Variants in DDAH1 observed in about 807,000 individuals in gnomAD.
The protein encoded by DDAH1 is N(G),N(G)-dimethylarginine dimethylaminohydrolase 1.
In DDAH1, 19 loss-of-function variants were observed where a neutral mutation model predicts 28.8. That is an observed-to-expected ratio of 0.66 (90% CI 0.46 to 0.97). The LOEUF is 0.97. Among genes scored for constraint, DDAH1 ranks in the 50% least tolerant of loss-of-function variants. DDAH1 has a pLI of 0.00. For missense variants in DDAH1, 326 were observed against 375.9 expected, an observed-to-expected ratio of 0.87 and a Z score of 1.10; for synonymous variants, 153 against 154.4, an observed-to-expected ratio of 0.99 and a Z score of 0.07.
At chr1:85,472,347 C>T (rs543141940) in intron 2 of DDAH1, among the ~76,000 whole-genome samples, 1 of 152,288 alleles carries the variant, frequency 6.6e-6, no homozygotes, top group Non-Finnish European at 1.5e-5. Flanking sequence ...ACATGGCTGT[C>T]CATACTTTGT....
chr1:85,427,532 G>A (rs551589308), intron 1 of DDAH1, among the ~76,000 whole-genome samples: 84 of 152,236 alleles, frequency 5.5e-4, no homozygotes, highest in African/African-American at 1.5e-3. Flanking sequence ...TCTAGAAATA[G>A]CAAGTACAAA....
Position 85,325,371 on chromosome 1 carries a change from A to G in DDAH1, c.598-488T>C, listed in dbSNP as rs143487584. Among the ~76,000 whole-genome samples, 832 of 152,216 alleles carry G rather than the reference A, an allele frequency of 5.5e-3. 3 individuals are homozygous for G. The highest frequency in any genetic ancestry group is 0.019 in the African/African-American group (769 of 41,550). On this transcript the variant is annotated intron_variant, in intron 4 of 5. Coordinates refer to ENST00000284031, the MANE Select transcript of DDAH1 (RefSeq NM_012137.4). ...CACGTGCGTGCGCGCGCGCGCGCAC[A>G]CACACACGCTTTGCTCTTCCACATA...
At chr1:85,574,652 T>C (rs190537237) in intron 1 of DDAH1, among the ~76,000 whole-genome samples, 8 of 152,338 alleles carry the variant, frequency 5.3e-5, no homozygotes, top group African/African-American at 1.7e-4. Flanking sequence ...ATTAAAATCC[T>C]CTTTCTCATG....
chr1:85,401,490 C>G (rs376368575), intron 1 of DDAH1, among the ~76,000 whole-genome samples: 7 of 134,834 alleles, frequency 5.2e-5, no homozygotes, highest in Non-Finnish European at 1.1e-4. Flanking sequence ...TTTCTTTTTT[C>G]TTTTTTCTTT....
chr1:85,540,249 C>T (rs374869497), intron 1 of DDAH1, among the ~76,000 whole-genome samples: 1 of 152,152 alleles, frequency 6.6e-6, no homozygotes, highest in South Asian at 2.1e-4. Context: ...GGGGTTACAC[C>T]TTTTAGTCTT....
At chr1:85,381,773 T>C (rs571765249) in intron 1 of DDAH1, among the ~76,000 whole-genome samples, 6 of 152,334 alleles carry the variant, frequency 3.9e-5, no homozygotes, top group East Asian at 1.9e-4. Context: ...AGCAAGTCTA[T>C]TGATGCCATT....
chr1:85,484,457 C>G (rs933293253), intron 2 of DDAH1, among the ~76,000 whole-genome samples: 58 of 152,000 alleles, frequency 3.8e-4, no homozygotes, highest in African/African-American at 1.3e-3. Context: ...TCAGCCTTGA[C>G]AGTTTTCCTG....
chr1:85,477,188 T>G (rs1055017044), intron 2 of DDAH1, among the ~76,000 whole-genome samples: 2 of 152,066 alleles, frequency 1.3e-5, no homozygotes, highest in African/African-American at 4.8e-5. Flanking sequence ...TGGGAGGGAA[T>G]TTAGCATGTT....
At chr1:85,430,395 T>A (rs1653617933) in intron 1 of DDAH1, among the ~76,000 whole-genome samples, 1 of 152,218 alleles carries the variant, frequency 6.6e-6, no homozygotes, top group South Asian at 2.1e-4. Context: ...CTGTTTTGGT[T>A]CCATATGAAA....
intron 1 of DDAH1, among the ~76,000 whole-genome samples, chr1:85,422,793 A>G (rs1174307666): frequency 1.3e-5 from 2 of 152,136 alleles, no homozygotes; most frequent in African/African-American, 4.8e-5. Context: ...TGGGGCCCTC[A>G]TGACGAGATT....
chr1:85,335,610 G>A (rs113174047), intron 4 of DDAH1, among the ~76,000 whole-genome samples: 2 of 151,924 alleles, frequency 1.3e-5, no homozygotes, highest in Non-Finnish European at 2.9e-5. Context: ...TTAAGCAAGA[G>A]AATATAACAG....
intron 1 of DDAH1, among the ~76,000 whole-genome samples, chr1:85,393,777 TTCTACATTGTCTCACCTAAGAG>T: frequency 6.6e-6 from 1 of 152,322 alleles, no homozygotes; most frequent in East Asian, 1.9e-4. Context: ...GATGTAAATT[TTCTACATTGTCTCACCTAAGAG>T]TCATGTCTTT....
intron 1 of DDAH1, among the ~76,000 whole-genome samples, chr1:85,383,671 T>A (rs1651109643): frequency 1.3e-5 from 2 of 152,132 alleles, no homozygotes; most frequent in African/African-American, 4.8e-5. Context: ...ACAGCAAACT[T>A]CACTGTTGTC....
intron 4 of DDAH1, among the ~76,000 whole-genome samples, chr1:85,328,892 T>A (rs1287516609): frequency 6.6e-6 from 1 of 152,232 alleles, no homozygotes; most frequent in Admixed American, 6.5e-5. Context: ...CCACCACTCA[T>A]AATCACCAGA....
chr1:85,379,604 G>A (rs756541359), intron 1 of DDAH1: 3 of 985,358 alleles, frequency 3.0e-6, no homozygotes, highest in Non-Finnish European at 3.6e-6. Flanking sequence ...GAGTCAGCCT[G>A]CAGAGCCACA....
intron 1 of DDAH1, among the ~76,000 whole-genome samples, chr1:85,383,549 T>C (rs897704705): frequency 2.0e-5 from 3 of 152,204 alleles, no homozygotes; most frequent in African/African-American, 7.2e-5. Flanking sequence ...GACAGAGCAA[T>C]GGTAGTTTGA....
chr1:85,537,097 T>C (rs1481321588), intron 1 of DDAH1, among the ~76,000 whole-genome samples: 1 of 151,148 alleles, frequency 6.6e-6, no homozygotes, highest in Non-Finnish European at 1.5e-5. Flanking sequence ...TCTCAACACT[T>C]TGGGAGGCTG....
upstream of DDAH1, among the ~76,000 whole-genome samples, chr1:85,469,028 A>G (rs2100700783): frequency 6.6e-6 from 1 of 152,322 alleles, no homozygotes; most frequent in Non-Finnish European, 1.5e-5. Flanking sequence ...TGAAAGAACA[A>G]GAAAGAACAT....
intron 1 of DDAH1, among the ~76,000 whole-genome samples, chr1:85,408,026 G>A (rs1277492105): frequency 2.0e-5 from 3 of 152,074 alleles, no homozygotes; most frequent in African/African-American, 2.4e-5. Flanking sequence ...GTGCAGGCCC[G>A]GGCTTACAAA....
Sources: gnomAD v4.1 joint callset for allele counts (sites outside exome capture counted in the v4.1 genomes callset) on GRCh38, gnomAD v4.1.1 for gene constraint, MANE v1.5 for transcripts, NCBI Gene and HGNC (gene_info 2026-07-23, HGNC 2026-07-21) for gene names.